The following CNTNAP5 variants were observed in gnomAD, a reference collection of about 807,000 sequenced individuals.
CNTNAP5 encodes contactin associated protein family member 5, also known as contactin-associated protein-like 5.
A neutral mutation model predicts 150.2 loss-of-function variants in CNTNAP5; 72 were observed. The observed-to-expected ratio is 0.48, with a 90% confidence interval of 0.40 to 0.58. The LOEUF (loss-of-function observed/expected upper bound fraction) is 0.58, where lower values mean the gene tolerates loss of function less well. Among genes scored for constraint, CNTNAP5 ranks in the 20% least tolerant of loss-of-function variants. CNTNAP5 has a pLI of 0.00. For synonymous variants in CNTNAP5, 672 were observed against 619.8 expected (o/e 1.08, Z -1.25); for missense variants, 1,636 against 1,626.2 (o/e 1.01, Z -0.10).
intron 1 of CNTNAP5, among the ~76,000 whole-genome samples, chr2:124,157,081 C>T (rs1438374616): frequency 2.0e-5 from 3 of 152,092 alleles, no homozygotes; most frequent in Non-Finnish European, 4.4e-5. Context: ...GTTCTAAAAC[C>T]TTTGGGGCTC....
At chr2:124,434,003 A>G (rs1692459319) in intron 4 of CNTNAP5, among the ~76,000 whole-genome samples, 1 of 152,210 alleles carries the variant, frequency 6.6e-6, no homozygotes, top group South Asian at 2.1e-4. Context: ...TAGAAGCCTC[A>G]GAATCCTTCT....
chr2:124,830,752 A>G (rs557943968), intron 19 of CNTNAP5, among the ~76,000 whole-genome samples: 1 of 152,202 alleles, frequency 6.6e-6, no homozygotes, highest in South Asian at 2.1e-4. Flanking sequence ...GCCTCAGGTC[A>G]CAACAGCAGA....
chr2:124,045,946 T>C (rs1462251986), intron 1 of CNTNAP5, among the ~76,000 whole-genome samples: 3 of 152,206 alleles, frequency 2.0e-5, no homozygotes, highest in South Asian at 2.1e-4. Context: ...ACTGTGTGTA[T>C]ATCTGCATAT....
intron 3 of CNTNAP5, among the ~76,000 whole-genome samples, chr2:124,316,214 A>G (rs556526419): frequency 6.6e-6 from 1 of 152,256 alleles, no homozygotes; most frequent in East Asian, 1.9e-4. Flanking sequence ...TGCAGACCAC[A>G]CTTTCCTGGA....
intron 20 of CNTNAP5, among the ~76,000 whole-genome samples, chr2:124,869,142 G>A (rs917050954): frequency 1.3e-5 from 2 of 152,120 alleles, no homozygotes; most frequent in South Asian, 2.1e-4. Flanking sequence ...CTGTTCAGCT[G>A]CCCTCTCCTC....
chr2:124,148,013 G>A (rs1684296085), intron 1 of CNTNAP5, among the ~76,000 whole-genome samples: 1 of 152,160 alleles, frequency 6.6e-6, no homozygotes, highest in Non-Finnish European at 1.5e-5. Flanking sequence ...TTTGGTTGAT[G>A]GCCACGCTGG....
intron 21 of CNTNAP5, among the ~76,000 whole-genome samples, chr2:124,896,496 C>A (rs751043511): frequency 6.6e-6 from 1 of 151,266 alleles, no homozygotes; most frequent in Non-Finnish European, 1.5e-5. Flanking sequence ...GCAAAGGCAG[C>A]CTAATAGAAT....
chr2:124,128,681 A>G (rs1293801592), intron 1 of CNTNAP5, among the ~76,000 whole-genome samples: 1 of 152,226 alleles, frequency 6.6e-6, no homozygotes, highest in Non-Finnish European at 1.5e-5. Context: ...TCAATGATAT[A>G]CTGGATTAAG....
At chr2:124,167,044 A>AT (rs1046094926) in intron 1 of CNTNAP5, among the ~76,000 whole-genome samples, 2 of 151,992 alleles carry the variant, frequency 1.3e-5, no homozygotes, top group South Asian at 2.1e-4. Flanking sequence ...TTTTGTATAT[A>AT]TTTTTTGTCC....
chr2:124,739,724 G>A (rs1209748588), intron 13 of CNTNAP5, among the ~76,000 whole-genome samples: 2 of 151,924 alleles, frequency 1.3e-5, no homozygotes, highest in Non-Finnish European at 2.9e-5. Flanking sequence ...CTTTCTCCAC[G>A]GCACACTTTG....
At chr2:124,344,865 C>G (rs186023019) in intron 3 of CNTNAP5, among the ~76,000 whole-genome samples, 3 of 152,312 alleles carry the variant, frequency 2.0e-5, no homozygotes, top group Admixed American at 6.5e-5. Context: ...GGCAAACTGG[C>G]ATGACTGTTG....
intron 13 of CNTNAP5, among the ~76,000 whole-genome samples, chr2:124,714,457 G>C (rs1409116354): frequency 6.6e-6 from 1 of 151,956 alleles, no homozygotes; most frequent in Non-Finnish European, 1.5e-5. Context: ...CTTCAGTTTT[G>C]AGTATTGTAG....
At chr2:124,820,178 AGTCTGTTTTTTT>A (rs1445098563) in intron 19 of CNTNAP5, among the ~76,000 whole-genome samples, 66 of 152,154 alleles carry the variant, frequency 4.3e-4, no homozygotes, top group Non-Finnish European at 7.5e-4. Context: ...TTAAGCCTTT[AGTCTGTTTTTTT>A]GTTTGCCGGG....
intron 7 of CNTNAP5, among the ~76,000 whole-genome samples, chr2:124,492,312 T>A (rs1211865145): frequency 2.6e-5 from 4 of 152,178 alleles, no homozygotes; most frequent in African/African-American, 9.6e-5. Context: ...GACAAGGACT[T>A]AATTTCATTC....
chr2:124,072,280 G>GAA (rs34777949), intron 1 of CNTNAP5, among the ~76,000 whole-genome samples: 17 of 149,970 alleles, frequency 1.1e-4, no homozygotes, highest in Admixed American at 6.6e-4. Flanking sequence ...CTGAATAATG[G>GAA]AAAAAAAAAT....
At chr2:124,855,375 G>A (rs780649748) in intron 19 of CNTNAP5, among the ~76,000 whole-genome samples, 4 of 151,866 alleles carry the variant, frequency 2.6e-5, no homozygotes, top group African/African-American at 7.3e-5. Flanking sequence ...GCAGGGTTTC[G>A]CCATGTTGGT....
intron 3 of CNTNAP5, among the ~76,000 whole-genome samples, chr2:124,381,969 C>T (rs2565760): frequency 0.86 from 131,516 of 152,204 alleles, 56,954 homozygotes; most frequent in South Asian, 0.92. Flanking sequence ...AGGGAAGCAA[C>T]GAAGGTAAGC....
intron 1 of CNTNAP5, among the ~76,000 whole-genome samples, chr2:124,198,784 A>T (rs1395576029): frequency 6.6e-6 from 1 of 150,526 alleles, no homozygotes; most frequent in Non-Finnish European, 1.5e-5. Flanking sequence ...TTTCCCTTTT[A>T]CAATTAAACC....
At chr2:124,112,212 A>G (rs944368718) in intron 1 of CNTNAP5, among the ~76,000 whole-genome samples, 1 of 152,170 alleles carries the variant, frequency 6.6e-6, no homozygotes, top group Non-Finnish European at 1.5e-5. Context: ...CCTTGGCATC[A>G]CTTTATTTAG....
Sources: gnomAD v4.1 joint callset for allele counts (sites outside exome capture counted in the v4.1 genomes callset) on GRCh38, gnomAD v4.1.1 for gene constraint, MANE v1.5 for transcripts, NCBI Gene and HGNC (gene_info 2026-07-23, HGNC 2026-07-21) for gene names.